The following UGGT1 variants were observed in gnomAD, a reference collection of about 807,000 sequenced individuals.
UGGT1 encodes UDP-glucose:glycoprotein glucosyltransferase 1.
In UGGT1, 107 loss-of-function variants were observed where a neutral mutation model predicts 203.9. That is an observed-to-expected ratio of 0.52 (90% CI 0.45 to 0.62). UGGT1 has a LOEUF of 0.62. UGGT1 is among the 20% of genes least tolerant of loss of function. The pLI is 0.00. For missense variants in UGGT1, 1,673 were observed against 1,867.2 expected (o/e 0.90, Z 1.92); for synonymous variants, 628 against 653.5 (o/e 0.96, Z 0.59).
intron 16 of UGGT1, among the ~76,000 whole-genome samples, chr2:128,140,886 CTA>C (rs1453387243): frequency 1.3e-5 from 2 of 152,054 alleles, no homozygotes; most frequent in African/African-American, 4.8e-5. Context: ...TGATGTCTCA[CTA>C]TGTTTCCCAG....
chr2:128,096,849 C>T (rs895988315), intron 1 of UGGT1, among the ~76,000 whole-genome samples: 1 of 152,116 alleles, frequency 6.6e-6, no homozygotes, highest in African/African-American at 2.4e-5. Flanking sequence ...GATTTTTATA[C>T]CCCTGTATGG....
intron 39 of UGGT1, 78 bp downstream of exon 39, chr2:128,186,877 G>T: frequency 1.8e-6 from 2 of 1,100,198 alleles, no homozygotes; most frequent in Non-Finnish European, 2.6e-6. Context: ...TTTTTATTTA[G>T]ATTCTTAAAT....
intron 34 of UGGT1, 60 bp downstream of exon 34, chr2:128,178,629 A>G (rs1342199314): frequency 1.4e-6 from 2 of 1,472,812 alleles, no homozygotes; most frequent in African/African-American, 1.4e-5. Flanking sequence ...GTTCTTATTT[A>G]GAGAGGAAAG....
At position 128,178,507 on chromosome 2, in the gene UGGT1, T is replaced by C; in HGVS notation, c.3753T>C (p.Asp1251=). ...AGAAGACTGAGGAAGTGAAGCAAGA[T>C]AAAGATGACATAATTAATATTTTCT... ...TGQKTEEVKQ[D]KDDIINIFSV... Residue 1251 remains aspartate, a synonymous_variant, in exon 34 of 41, where the codon GAT becomes GAC. Transcript: ENST00000259253. The C allele has an allele frequency of 1.2e-6, 2 of 1,613,930 alleles. No individual in the cohort carries two copies. Among genetic ancestry groups the C allele is most frequent in the Non-Finnish European group, 1.7e-6 (2 of 1,180,014 alleles).
At chr2:128,178,396 C>G (rs1203112748) in intron 33 of UGGT1, 72 bp from the exon 34 acceptor site, 4 of 1,300,850 alleles carry the variant, frequency 3.1e-6, no homozygotes, top group African/African-American at 1.5e-5. Context: ...CAGTCTCTTT[C>G]CTCTTACTTT....
At chr2:128,105,776 A>T (rs1318628200) in intron 3 of UGGT1, among the ~76,000 whole-genome samples, 1 of 151,124 alleles carries the variant, frequency 6.6e-6, no homozygotes, top group African/African-American at 2.4e-5. Flanking sequence ...CAGCCTCCCA[A>T]AGTGCTAGGA....
intron 20 of UGGT1, among the ~76,000 whole-genome samples, chr2:128,156,160 A>G (rs1413985894): frequency 1.3e-5 from 2 of 152,180 alleles, no homozygotes; most frequent in Non-Finnish European, 2.9e-5. Flanking sequence ...TCTCTCCCCA[A>G]GAGAAGTTCT....
chr2:128,154,371 A>G (rs1036668265), intron 19 of UGGT1, among the ~76,000 whole-genome samples: 1 of 152,200 alleles, frequency 6.6e-6, no homozygotes, highest in Non-Finnish European at 1.5e-5. Context: ...TGTTGCAGCA[A>G]TGAGCTATGA....
intron 10 of UGGT1, among the ~76,000 whole-genome samples, chr2:128,122,360 G>A (rs1381593177): frequency 6.6e-6 from 1 of 151,884 alleles, no homozygotes; most frequent in Non-Finnish European, 1.5e-5. Context: ...TGGTGAAACC[G>A]CTTTTCTACT....
At chr2:128,144,734 T>C (rs562998573) in intron 17 of UGGT1, among the ~76,000 whole-genome samples, 1 of 152,352 alleles carries the variant, frequency 6.6e-6, no homozygotes, top group African/African-American at 2.4e-5. Flanking sequence ...TGTTACCTGT[T>C]ATTGAGCTTG....
chr2:128,111,156 C>T (rs1047340551), intron 5 of UGGT1, among the ~76,000 whole-genome samples: 3 of 152,112 alleles, frequency 2.0e-5, no homozygotes, highest in Non-Finnish European at 4.4e-5. Flanking sequence ...AATTCCAGAC[C>T]AACCGGTGCA....
chr2:128,180,850 A>G lies in UGGT1; in HGVS notation c.3901-40A>G, dbSNP rs1691658303. 11 of 1,582,014 alleles carry G rather than the reference A, an allele frequency of 7.0e-6. No individual in the cohort carries two copies. The East Asian group carries it at 2.2e-4, about 32-fold the overall frequency. ...CATTATGAAAGCAGTTTTCTTAATC[A>G]GAAGAAATGATTATTTGTTGTTCCC... is the stretch of plus-strand genomic sequence containing the variant. On this transcript the variant is annotated intron_variant, in intron 35 of 40. Transcript: ENST00000259253.
chr2:128,156,952 GT>G (rs1361010790), intron 21 of UGGT1, among the ~76,000 whole-genome samples: 2 of 152,128 alleles, frequency 1.3e-5, no homozygotes, highest in Non-Finnish European at 2.9e-5. Flanking sequence ...ATGACAATAT[GT>G]TACCCACATG....
intron 18 of UGGT1, among the ~76,000 whole-genome samples, chr2:128,151,807 G>A (rs573041854): frequency 6.6e-6 from 1 of 152,154 alleles, no homozygotes; most frequent in South Asian, 2.1e-4. Context: ...GGAGGTCAAG[G>A]CTGCAGTGAG....
intron 15 of UGGT1, among the ~76,000 whole-genome samples, chr2:128,138,496 C>G (rs1364036268): frequency 6.7e-6 from 1 of 148,960 alleles, no homozygotes. Flanking sequence ...CCCTGGGCAA[C>G]AAGAGTGAAA....
chr2:128,094,516 T>C (rs1216992963), intron 1 of UGGT1, among the ~76,000 whole-genome samples: 1 of 152,180 alleles, frequency 6.6e-6, no homozygotes, highest in Non-Finnish European at 1.5e-5. Flanking sequence ...TTATTCCTAC[T>C]TTGATAGTCT....
intron 18 of UGGT1, among the ~76,000 whole-genome samples, chr2:128,150,959 ACCTGCCTCAGGCT>A (rs1689932639): frequency 6.6e-6 from 1 of 151,664 alleles, no homozygotes; most frequent in South Asian, 2.1e-4. Context: ...CAGGTGATTC[ACCTGCCTCAGGCT>A]CCTGAGTAGC....
At chr2:128,099,178 C>G (rs1687253811) in intron 2 of UGGT1, among the ~76,000 whole-genome samples, 1 of 152,128 alleles carries the variant, frequency 6.6e-6, no homozygotes, top group South Asian at 2.1e-4. Context: ...AGGCCTGTCT[C>G]TGTTGTTCAG....
At chr2:128,131,310 T>C (rs1258104710) in intron 13 of UGGT1, among the ~76,000 whole-genome samples, 2 of 151,600 alleles carry the variant, frequency 1.3e-5, no homozygotes, top group African/African-American at 2.4e-5. Context: ...TCCCAGCACT[T>C]TGGGAGGCCG....
Sources: allele counts gnomAD v4.1 joint callset (sites outside exome capture counted in the v4.1 genomes callset), GRCh38; gene constraint gnomAD v4.1.1; transcripts MANE v1.5; gene names NCBI Gene and HGNC (gene_info 2026-07-23, HGNC 2026-07-21).